The following NRCAM variants were observed in gnomAD, a reference collection of about 807,000 sequenced individuals.
NRCAM encodes the protein NgCAM-related cell adhesion molecule.
In NRCAM, 83 loss-of-function variants were observed where a neutral mutation model predicts 156.5. The ratio of observed to expected loss-of-function variants is 0.53; its 90% confidence interval spans 0.44 to 0.64. The LOEUF is 0.64. Ranked by LOEUF, NRCAM falls within the 30% of genes least tolerant of loss-of-function variation. NRCAM has a pLI of 0.00. For missense variants in NRCAM, 1,417 were observed against 1,597.3 expected, an observed-to-expected ratio of 0.89 and a Z score of 1.92; for synonymous variants, 538 against 563.9, an observed-to-expected ratio of 0.95 and a Z score of 0.65.
Position 108,229,640 on chromosome 7 carries a change from C to T in NRCAM, c.550+1391G>A, listed in dbSNP as rs567677280. Among the ~76,000 whole-genome samples the T allele has an allele frequency of 5.3e-5, 8 of 152,288 alleles. No individual in the cohort carries two copies. In the South Asian group the frequency reaches 1.0e-3, roughly 20 times the overall value. ...AGCCCAGGCCTCTAGGCAGGACTTACGCACTAAGGTTTCAAACATTGCTGA... is the reference window on the plus strand; with the variant it reads ...AGCCCAGGCCTCTAGGCAGGACTTATGCACTAAGGTTTCAAACATTGCTGA... On this transcript the variant is annotated intron_variant, in intron 8 of 32. Transcript: ENST00000379028.
intron 1 of NRCAM, among the ~76,000 whole-genome samples, chr7:108,455,914 G>C (rs1856795717): frequency 6.6e-6 from 1 of 152,222 alleles, no homozygotes; most frequent in Non-Finnish European, 1.5e-5. Context: ...CCCGGAAAGC[G>C]TGGGGTGCGG....
chr7:108,395,564 A>G (rs2099774488), intron 2 of NRCAM, among the ~76,000 whole-genome samples: 1 of 152,202 alleles, frequency 6.6e-6, no homozygotes, highest in Admixed American at 6.5e-5. Context: ...AATACTGCCC[A>G]TGCAAAAGTG....
chr7:108,426,543 C>G (rs138672297), intron 1 of NRCAM, among the ~76,000 whole-genome samples: 1 of 152,166 alleles, frequency 6.6e-6, no homozygotes, highest in Non-Finnish European at 1.5e-5. Flanking sequence ...CTGAAGCCCA[C>G]CCCCCTTATA....
intron 1 of NRCAM, among the ~76,000 whole-genome samples, chr7:108,414,162 A>G (rs1406656601): frequency 6.6e-6 from 1 of 152,330 alleles, no homozygotes; most frequent in Admixed American, 6.5e-5. Flanking sequence ...CCAGTAAGAG[A>G]CAGGAGACAA....
intron 2 of NRCAM, among the ~76,000 whole-genome samples, chr7:108,396,479 T>C (rs2099777226): frequency 6.6e-6 from 1 of 152,232 alleles, no homozygotes; most frequent in Non-Finnish European, 1.5e-5. Flanking sequence ...AAACTCACAG[T>C]AGATTGCAAT....
At chr7:108,317,174 T>G (rs2098936670) in intron 2 of NRCAM, among the ~76,000 whole-genome samples, 1 of 152,218 alleles carries the variant, frequency 6.6e-6, no homozygotes, top group Admixed American at 6.5e-5. Flanking sequence ...TTACATGAGC[T>G]GAGAGGGAAC....
chr7:108,440,187 T>G (rs1273950896), intron 1 of NRCAM, among the ~76,000 whole-genome samples: 1 of 152,142 alleles, frequency 6.6e-6, no homozygotes, highest in African/African-American at 2.4e-5. Flanking sequence ...TGATACGTGT[T>G]ACAACATGGA....
At chr7:108,439,414 C>G (rs1835931842) in intron 1 of NRCAM, among the ~76,000 whole-genome samples, 1 of 152,080 alleles carries the variant, frequency 6.6e-6, no homozygotes, top group Non-Finnish European at 1.5e-5. Context: ...TGACTCCGTT[C>G]TAAAAACCGG....
At chr7:108,160,255 T>C (rs995122216) in intron 31 of NRCAM, 106 bp downstream of exon 31, 1 of 1,154,752 alleles carries the variant, frequency 8.7e-7, no homozygotes, top group Non-Finnish European at 1.3e-6. Flanking sequence ...AACTCATGGC[T>C]CTGGGAAGAC....
Position 108,185,613 on chromosome 7 carries a change from G to A in NRCAM, c.2036-999C>T, listed in dbSNP as rs111909908. On this transcript the variant is annotated intron_variant, in intron 20 of 32. Coordinates refer to ENST00000379028, the MANE Select transcript of NRCAM (RefSeq NM_001037132.4). ...GTGCACCTATAGTTCCAGCTATGGGGGAGGCTGAGCTAGGAGGATCACCTG... is the reference window on the plus strand; with the variant it reads ...GTGCACCTATAGTTCCAGCTATGGGAGAGGCTGAGCTAGGAGGATCACCTG... Among the ~76,000 whole-genome samples the A allele has an allele frequency of 5.9e-3, 901 of 152,054 alleles. 8 individuals are homozygous for A. Among genetic ancestry groups the A allele is most frequent in the African/African-American group, 0.021 (853 of 41,460 alleles).
intron 1 of NRCAM, among the ~76,000 whole-genome samples, chr7:108,425,749 T>C (rs2395996): frequency 0.9 from 136,868 of 152,256 alleles, 61,993 homozygotes; most frequent in East Asian, 1. Context: ...ATTGGCAAAC[T>C]ATGTGTTGTT....
chr7:108,280,624 T>A (rs1410230146), intron 3 of NRCAM, among the ~76,000 whole-genome samples: 1 of 152,242 alleles, frequency 6.6e-6, no homozygotes, highest in Non-Finnish European at 1.5e-5. Flanking sequence ...TCATATTTAG[T>A]TTCTTTGGTG....
At position 108,159,458 on chromosome 7, in the gene NRCAM, C is replaced by T; in HGVS notation, c.3677+5G>A. The T allele has an allele frequency of 6.2e-7, 1 of 1,612,080 alleles. No homozygotes were observed. Among genetic ancestry groups the T allele is most frequent in the Non-Finnish European group, 8.5e-7 (1 of 1,178,354 alleles). On this transcript the variant is annotated splice_donor_5th_base_variant and intron_variant, in intron 32 of 32. Coordinates refer to ENST00000379028, the MANE Select transcript of NRCAM (RefSeq NM_001037132.4). ...AAGATGAAGAGCAGAGAAGCAGGGG[C>T]TCACCTGTATTCTCCAAATGTCCCA...
At chr7:108,366,624 G>A (rs78295562) in intron 2 of NRCAM, among the ~76,000 whole-genome samples, 4,019 of 152,242 alleles carry the variant, frequency 0.026, 171 homozygotes, top group African/African-American at 0.09. Flanking sequence ...AGTTGTTACT[G>A]AGAATTAAAA....
chr7:108,346,601 G>C (rs2099356243), intron 2 of NRCAM, among the ~76,000 whole-genome samples: 1 of 152,132 alleles, frequency 6.6e-6, no homozygotes, highest in Non-Finnish European at 1.5e-5. Flanking sequence ...TGTAAATAGA[G>C]GACAAAAAGT....
At chr7:108,258,121 G>A (rs1156859680) in intron 3 of NRCAM, among the ~76,000 whole-genome samples, 1 of 152,176 alleles carries the variant, frequency 6.6e-6, no homozygotes, top group Non-Finnish European at 1.5e-5. Context: ...GTTGGAGGAG[G>A]TGGCTGTCTG....
chr7:108,304,137 CT>C (rs1398104704), intron 3 of NRCAM, among the ~76,000 whole-genome samples: 5 of 152,190 alleles, frequency 3.3e-5, no homozygotes, highest in African/African-American at 4.8e-5. Flanking sequence ...CTTGTTTTCT[CT>C]TTTACTATTC....
chr7:108,311,402 G>C (rs976860245), intron 3 of NRCAM, among the ~76,000 whole-genome samples: 114 of 151,996 alleles, frequency 7.5e-4, no homozygotes, highest in Non-Finnish European at 1.2e-3. Context: ...AGAGGAGAGG[G>C]GTACATAAAA....
chr7:108,325,010 A>C (rs2099052333), intron 2 of NRCAM, among the ~76,000 whole-genome samples: 2 of 151,584 alleles, frequency 1.3e-5, no homozygotes, highest in South Asian at 4.2e-4. Context: ...CCCTCCACCA[A>C]ATAGAAAGGA....
Sources: allele counts gnomAD v4.1 joint callset (sites outside exome capture counted in the v4.1 genomes callset), GRCh38; gene constraint gnomAD v4.1.1; transcripts MANE v1.5; gene names NCBI Gene and HGNC (gene_info 2026-07-23, HGNC 2026-07-21).